Variants in PEAK1 observed in about 807,000 individuals in gnomAD.
PEAK1 encodes pseudopodium enriched atypical kinase 1, also known as inactive tyrosine-protein kinase PEAK1.
Under a neutral mutation model 124.7 loss-of-function variants are expected in PEAK1, and 54 were observed. That is an observed-to-expected ratio of 0.43 (90% confidence interval 0.35 to 0.54). The LOEUF (loss-of-function observed/expected upper bound fraction) is 0.54. PEAK1 is among the 20% of genes least tolerant of loss of function. PEAK1 has a pLI of 0.01. For missense variants in PEAK1, 2,046 were observed against 2,134.5 expected (o/e 0.96, Z 0.82); for synonymous variants, 719 against 760.0 (o/e 0.95, Z 0.89).
chr15:77,404,879 T>TA, intron 1 of PEAK1: 1 of 655,226 alleles, frequency 1.5e-6, no homozygotes, highest in Non-Finnish European at 1.9e-6. Context: ...GCAGTGAACA[T>TA]AAATCTGCTC....
At chr15:77,239,454 T>C (rs1389189056) in intron 6 of PEAK1, among the ~76,000 whole-genome samples, 1 of 152,180 alleles carries the variant, frequency 6.6e-6, no homozygotes, top group Non-Finnish European at 1.5e-5. Context: ...AAAAACAACA[T>C]TTTGAGCCTT....
At chr15:77,204,308 TG>T (rs919419640) in intron 6 of PEAK1, among the ~76,000 whole-genome samples, 6 of 152,126 alleles carry the variant, frequency 3.9e-5, no homozygotes, top group Non-Finnish European at 7.4e-5. Flanking sequence ...GAATGCAAAA[TG>T]GTACAGACCC....
intron 6 of PEAK1, among the ~76,000 whole-genome samples, chr15:77,193,147 T>C (rs1293215847): frequency 6.6e-6 from 1 of 152,132 alleles, no homozygotes; most frequent in Non-Finnish European, 1.5e-5. Flanking sequence ...GAAGTTGGAG[T>C]CAGAGATCTT....
chr15:77,122,468 A>G (rs2052005530), intron 9 of PEAK1, among the ~76,000 whole-genome samples: 1 of 152,222 alleles, frequency 6.6e-6, no homozygotes. Flanking sequence ...ACTGAGGCAC[A>G]GAGTAGTCCA....
At chr15:77,234,914 G>A (rs1438781025) in intron 6 of PEAK1, among the ~76,000 whole-genome samples, 1 of 152,042 alleles carries the variant, frequency 6.6e-6, no homozygotes, top group Non-Finnish European at 1.5e-5. Context: ...CTGGATCAAG[G>A]GGCGGTTTCC....
chr15:77,175,204 T>C (rs893727355), intron 7 of PEAK1, among the ~76,000 whole-genome samples: 3 of 152,084 alleles, frequency 2.0e-5, no homozygotes, highest in African/African-American at 7.2e-5. Context: ...AAGGACTTCA[T>C]GTCTAAAACA....
intron 7 of PEAK1, among the ~76,000 whole-genome samples, chr15:77,176,590 CA>C (rs1458949298): frequency 2.6e-5 from 4 of 152,130 alleles, no homozygotes; most frequent in Non-Finnish European, 4.4e-5. Flanking sequence ...AACCAATGGG[CA>C]AATGAACTGT....
chr15:77,133,788 G>C lies in PEAK1; in HGVS notation c.3332-38C>G. ...TAAAGCAATAAAAAGAAAAGAGTAA[G>C]TAAAGTTTTCAATCTAATTTTATAA... On this transcript the variant is annotated intron_variant, in intron 8 of 9. Coordinates refer to ENST00000682557, the MANE Select transcript of PEAK1 (RefSeq NM_001385026.1). The surrounding 1 kb of genome is among the most constrained non-coding windows in gnomAD (Gnocchi z 4.2). 1 of 1,508,558 alleles carries C rather than the reference G, an allele frequency of 6.6e-7. No homozygotes were observed. Among genetic ancestry groups the C allele is most frequent in the Non-Finnish European group, 8.8e-7 (1 of 1,131,836 alleles). 93.4% of individuals were successfully genotyped at this position (1,508,558 alleles called of 1,614,324 possible).
chr15:77,357,345 T>TC (rs1281162921), intron 2 of PEAK1, among the ~76,000 whole-genome samples: 1 of 152,248 alleles, frequency 6.6e-6, no homozygotes, highest in African/African-American at 2.4e-5. Flanking sequence ...CAATCTTGGC[T>TC]CACTGCAACC....
At chr15:77,221,625 T>A (rs1317647652) in intron 6 of PEAK1, among the ~76,000 whole-genome samples, 1 of 151,870 alleles carries the variant, frequency 6.6e-6, no homozygotes, top group East Asian at 1.9e-4. Context: ...TTGGAAAAAA[T>A]CTCTTTTATG....
intron 5 of PEAK1, among the ~76,000 whole-genome samples, chr15:77,260,601 A>T (rs2061388528): frequency 6.6e-6 from 1 of 152,224 alleles, no homozygotes; most frequent in Non-Finnish European, 1.5e-5. Context: ...GAGATAAAAT[A>T]TATAGAGACA....
chr15:77,183,519 A>G (rs1415004485), intron 6 of PEAK1, among the ~76,000 whole-genome samples: 1 of 152,196 alleles, frequency 6.6e-6, no homozygotes, highest in African/African-American at 2.4e-5. Context: ...GGAAGTACTA[A>G]CTTTGAACCC....
At chr15:77,185,233 A>G (rs573431800) in intron 6 of PEAK1, among the ~76,000 whole-genome samples, 7 of 152,340 alleles carry the variant, frequency 4.6e-5, no homozygotes, top group Middle Eastern at 3.4e-3. Context: ...CTATGAGTCC[A>G]TATTTTGTCA....
intron 7 of PEAK1, among the ~76,000 whole-genome samples, chr15:77,172,505 C>T (rs1362543765): frequency 6.6e-6 from 1 of 152,084 alleles, no homozygotes; most frequent in Non-Finnish European, 1.5e-5. Flanking sequence ...TTTGTTCATT[C>T]TTAAGAAAAT....
rs1161260380 is a variant in PEAK1, at chr15:77,180,532, C to G, written c.1395G>C (p.Val465=). Residue 465 remains valine, a synonymous_variant, in exon 7 of 10, where the codon GTG becomes GTC. Coordinates refer to ENST00000682557, the MANE Select transcript of PEAK1 (RefSeq NM_001385026.1). The part of the protein sequence containing the change: ...TEEQAKPYRV[V]NLEQPLCKPY... The stretch of plus-strand genomic sequence containing the variant: ...GCTTGCACAATGGCTGTTCCAGGTT[C>G]ACAACTCGGTAAGGTTTTGCTTGCT... 2.5e-6 allele frequency: 4 copies of G among 1,614,104 alleles called. No individual in the cohort carries two copies. In the African/African-American group the frequency reaches 4.0e-5, roughly 16 times the overall value.
intron 2 of PEAK1, among the ~76,000 whole-genome samples, chr15:77,302,850 T>C (rs1216967447): frequency 6.6e-6 from 1 of 152,200 alleles, no homozygotes; most frequent in East Asian, 1.9e-4. Flanking sequence ...AAATGCTTAA[T>C]ATCTTATATT....
chr15:77,185,346 C>T (rs926694468), intron 6 of PEAK1, among the ~76,000 whole-genome samples: 15 of 151,908 alleles, frequency 9.9e-5, no homozygotes, highest in African/African-American at 2.7e-4. Context: ...ATATTTAGGC[C>T]GAAAAGAAAA....
At chr15:77,277,361 T>C (rs1278221964) in intron 5 of PEAK1, among the ~76,000 whole-genome samples, 2 of 152,126 alleles carry the variant, frequency 1.3e-5, no homozygotes, top group African/African-American at 4.8e-5. Flanking sequence ...GGGATATCAT[T>C]GGGTTAAGGA....
chr15:77,197,871 T>C (rs2058184071), intron 6 of PEAK1, among the ~76,000 whole-genome samples: 1 of 152,040 alleles, frequency 6.6e-6, no homozygotes, highest in African/African-American at 2.4e-5. Context: ...TATTGGAAAA[T>C]TTTATGGTGA....
Sources: gnomAD v4.1 joint callset for allele counts (sites outside exome capture counted in the v4.1 genomes callset) on GRCh38, gnomAD v4.1.1 for gene constraint, Gnocchi (gnomAD v3.1) non-coding constraint, MANE v1.5 for transcripts, NCBI Gene and HGNC (gene_info 2026-07-23, HGNC 2026-07-21) for gene names.